Variants in LRRC37A2 observed in about 807,000 individuals in gnomAD.
LRRC37A2 encodes the protein leucine-rich repeat-containing protein 37A2.
A neutral mutation model predicts 68.8 loss-of-function variants in LRRC37A2; 9 were observed. The ratio of observed to expected loss-of-function variants is 0.13; its 90% confidence interval spans 0.08 to 0.23. The LOEUF is 0.23. Ranked by LOEUF, LRRC37A2 falls within the 10% of genes least tolerant of loss-of-function variation. LRRC37A2 has a pLI of 1.00. For missense variants in LRRC37A2, 168 were observed against 950.4 expected (o/e 0.18, Z 10.82); for synonymous variants, 63 against 367.6 (o/e 0.17, Z 9.48).
chr17:46,779,104 C>CACACACACACACACACACACA, the LRRC37A2 span, among the ~76,000 whole-genome samples: 22 of 130,794 alleles, frequency 1.7e-4, no homozygotes, highest in Non-Finnish European at 2.3e-4. Context: ...CACACACACA[C>CACACACACACACACACACACA]CCCAGCCCAC....
At chr17:46,857,736 A>G in the LRRC37A2 span, among the ~76,000 whole-genome samples, 1 of 152,192 alleles carries the variant, frequency 6.6e-6, no homozygotes, top group Non-Finnish European at 1.5e-5. Context: ...ATGGTCAGCT[A>G]TCATCAGTTT....
At chr17:46,788,301 A>G in the LRRC37A2 span, among the ~76,000 whole-genome samples, 1 of 151,892 alleles carries the variant, frequency 6.6e-6, no homozygotes, top group Non-Finnish European at 1.5e-5. Flanking sequence ...CCCCTTCCTG[A>G]CCCCTCCAAA....
chr17:46,926,122 A>AT, the LRRC37A2 span, among the ~76,000 whole-genome samples: 141 of 152,000 alleles, frequency 9.3e-4, 4 homozygotes, highest in Admixed American at 2.6e-4. Context: ...TCTCAAGACC[A>AT]TTTTTTTTCC....
the LRRC37A2 span, among the ~76,000 whole-genome samples, chr17:46,910,659 C>A: frequency 1.3e-5 from 2 of 152,178 alleles, no homozygotes; most frequent in African/African-American, 4.8e-5. Flanking sequence ...CAAGAACAAT[C>A]AAGGCAAGGG....
At chr17:46,864,998 G>T in the LRRC37A2 span, among the ~76,000 whole-genome samples, 1 of 152,148 alleles carries the variant, frequency 6.6e-6, no homozygotes, top group Non-Finnish European at 1.5e-5. Flanking sequence ...TAGGAACTGG[G>T]GTAGATGTTT....
chr17:46,876,529 G>C, the LRRC37A2 span: 2 of 1,613,680 alleles, frequency 1.2e-6, no homozygotes, highest in Non-Finnish European at 1.7e-6. Context: ...GGCCCAGCAA[G>C]TACTCACCTG....
chr17:47,003,427 G>A, the LRRC37A2 span, among the ~76,000 whole-genome samples: 7 of 152,188 alleles, frequency 4.6e-5, no homozygotes, highest in Non-Finnish European at 1.0e-4. Context: ...TCACACAACA[G>A]GGGGGCAGGG....
the LRRC37A2 span, among the ~76,000 whole-genome samples, chr17:46,800,400 C>A: frequency 6.6e-6 from 1 of 152,182 alleles, no homozygotes; most frequent in Non-Finnish European, 1.5e-5. Context: ...TGTGAGCCAC[C>A]ATGCCTGGCC....
At chr17:46,721,130 C>G in the LRRC37A2 span, among the ~76,000 whole-genome samples, 1 of 152,204 alleles carries the variant, frequency 6.6e-6, no homozygotes, top group Admixed American at 6.5e-5. Flanking sequence ...TCCCTCAGTG[C>G]TCACGGAGTG....
At chr17:46,825,526 G>A in the LRRC37A2 span, among the ~76,000 whole-genome samples, 1 of 152,218 alleles carries the variant, frequency 6.6e-6, no homozygotes, top group Non-Finnish European at 1.5e-5. Context: ...ACCCAGCTCC[G>A]GTTGATGCAC....
the LRRC37A2 span, among the ~76,000 whole-genome samples, chr17:46,580,745 C>CTAAA: frequency 1.6e-3 from 23 of 14,696 alleles, no homozygotes; most frequent in Middle Eastern, 0.015. Context: ...CTAGAATTGA[C>CTAAA]TAAATAAATA....
At chr17:46,755,974 C>A in the LRRC37A2 span, 1 of 708,590 alleles carries the variant, frequency 1.4e-6, no homozygotes, top group South Asian at 2.0e-5. Context: ...TGCAATAAAA[C>A]TCCCTTCCTT....
At chr17:46,876,233 C>A in the LRRC37A2 span, 1 of 1,592,100 alleles carries the variant, frequency 6.3e-7, no homozygotes, top group Non-Finnish European at 8.6e-7. Flanking sequence ...CTCTGTTCTG[C>A]CTCCCCCACA....
chr17:46,962,397 C>T, the LRRC37A2 span, among the ~76,000 whole-genome samples: 1 of 152,064 alleles, frequency 6.6e-6, no homozygotes, highest in Non-Finnish European at 1.5e-5. Context: ...AACCATGCCT[C>T]CCAGTGTTCA....
chr17:46,783,558 G>A, the LRRC37A2 span, among the ~76,000 whole-genome samples: 3 of 152,186 alleles, frequency 2.0e-5, no homozygotes, highest in Non-Finnish European at 4.4e-5. Context: ...TGGGCACTGT[G>A]GGTGCCTTAA....
At chr17:47,021,566 T>C in the LRRC37A2 span, 1 of 483,974 alleles carries the variant, frequency 2.1e-6, no homozygotes, top group Non-Finnish European at 3.5e-6. Context: ...TAAGTGCTTT[T>C]AGATAAAATA....
the LRRC37A2 span, among the ~76,000 whole-genome samples, chr17:46,857,606 T>C: frequency 1.3e-5 from 2 of 152,150 alleles, no homozygotes; most frequent in Non-Finnish European, 2.9e-5. Flanking sequence ...GATAACTGTC[T>C]AGGAGTGGAT....
the LRRC37A2 span, among the ~76,000 whole-genome samples, chr17:47,027,352 T>G: frequency 6.6e-6 from 1 of 152,188 alleles, no homozygotes; most frequent in Non-Finnish European, 1.5e-5. Flanking sequence ...TCTATTATGT[T>G]GTATATTTAT....
chr17:46,975,155 C>A, the LRRC37A2 span: 1 of 152,138 alleles, frequency 6.6e-6, no homozygotes, highest in Non-Finnish European at 1.5e-5. Flanking sequence ...TCAAACACAT[C>A]ATGTCGTGAA....
Sources: allele counts gnomAD v4.1 joint callset (sites outside exome capture counted in the v4.1 genomes callset), GRCh38; gene constraint gnomAD v4.1.1; transcripts MANE v1.5; gene names NCBI Gene and HGNC (gene_info 2026-07-23, HGNC 2026-07-21).